Variants in MYCBP2 observed in about 807,000 individuals in gnomAD.
The protein encoded by MYCBP2 is E3 ubiquitin-protein ligase MYCBP2.
MYCBP2 carries 120 observed loss-of-function variants against 525.3 expected under a neutral mutation model. The ratio of observed to expected loss-of-function variants is 0.23; its 90% CI spans 0.20 to 0.27. The LOEUF (loss-of-function observed/expected upper bound fraction) is 0.27. Among genes scored for constraint, MYCBP2 ranks in the 10% least tolerant of loss-of-function variants. MYCBP2 has a pLI of 1.00. For synonymous variants in MYCBP2, 1,894 were observed against 1,955.8 expected (o/e 0.97, Z 0.83); for missense variants, 4,149 against 5,657.1 (o/e 0.73, Z 8.55).
At position 77,320,734 on chromosome 13, in the gene MYCBP2, G is replaced by C. The variant is rs115189680; in HGVS notation, c.302+5740C>G. The stretch of plus-strand genomic sequence containing the variant: ...GAGACAACCTCACAACCTCTGGATG[G>C]GATGCAACATGCAGTACCCAGCGCC... On this transcript the variant is annotated intron_variant, in intron 1 of 82. Coordinates refer to ENST00000544440, the MANE Select transcript of MYCBP2 (RefSeq NM_015057.5). 8.7e-3 allele frequency among the ~76,000 whole-genome samples: 1,327 copies of C among 152,056 alleles called. 21 individuals carry two copies. Among genetic ancestry groups the C allele is most frequent in the African/African-American group, 0.03 (1,233 of 41,428 alleles).
At chr13:77,162,472 AAAGT>A (rs1485302471) in intron 43 of MYCBP2, among the ~76,000 whole-genome samples, 1 of 152,228 alleles carries the variant, frequency 6.6e-6, no homozygotes, top group Non-Finnish European at 1.5e-5. Flanking sequence ...TGTTACTAAT[AAAGT>A]AATACTTGTT....
At chr13:77,295,046 A>G (rs1377051554) in intron 2 of MYCBP2, among the ~76,000 whole-genome samples, 4 of 152,352 alleles carry the variant, frequency 2.6e-5, no homozygotes, top group East Asian at 1.9e-4. Flanking sequence ...AGTTGGAGCT[A>G]CTGGCAGCCT....
At chr13:77,196,446 C>T (rs193082767) in intron 26 of MYCBP2, among the ~76,000 whole-genome samples, 25 of 152,124 alleles carry the variant, frequency 1.6e-4, no homozygotes, top group Non-Finnish European at 3.2e-4. Flanking sequence ...TGAGGACAGA[C>T]GTAGAACACA....
At chr13:77,191,171 T>C (rs899752152) in intron 28 of MYCBP2, among the ~76,000 whole-genome samples, 10 of 152,180 alleles carry the variant, frequency 6.6e-5, no homozygotes, top group African/African-American at 1.9e-4. Context: ...CACAAAGCTA[T>C]TGAGGGCATC....
chr13:77,121,417 C>A lies in MYCBP2; in HGVS notation c.8096G>T (p.Ser2699Ile), dbSNP rs1255610761. 1 of 1,598,734 alleles carries A rather than the reference C, an allele frequency of 6.3e-7. No homozygotes were observed. The highest frequency in any genetic ancestry group is 2.2e-5 in the East Asian group (1 of 44,670). ...FSVQAFNKGASCSAQGFDYGL... is the reference protein window; with the variant it reads ...FSVQAFNKGAICSAQGFDYGL... The stretch of plus-strand genomic sequence containing the variant: ...ATAATCAAATCCTTGGGCACTGCAA[C>A]TTGCCCCTTTATTAAAAGCTTGCAC... Residue 2699 changes from serine (S) to isoleucine (I), a missense_variant, in exon 55 of 83, where the codon AGT becomes ATT. Ser to Ile is a moderately radical substitution (Grantham distance 142, BLOSUM62 -2). Coordinates refer to ENST00000544440, the MANE Select transcript of MYCBP2 (RefSeq NM_015057.5).
chr13:77,320,764 A>G (rs2081497675), intron 1 of MYCBP2, among the ~76,000 whole-genome samples: 1 of 152,188 alleles, frequency 6.6e-6, no homozygotes, highest in African/African-American at 2.4e-5. Flanking sequence ...AGCGCCATAT[A>G]CAATATTCTT....
At chr13:77,056,563 C>G (rs1356132339) in intron 79 of MYCBP2, among the ~76,000 whole-genome samples, 2 of 152,158 alleles carry the variant, frequency 1.3e-5, no homozygotes, top group Non-Finnish European at 1.5e-5. Flanking sequence ...TTTAACTAAG[C>G]TCTAAAAGAA....
intron 80 of MYCBP2, 148 bp downstream of exon 80, chr13:77,055,410 G>C: frequency 1.4e-6 from 1 of 712,868 alleles, no homozygotes; most frequent in Non-Finnish European, 2.3e-6. Context: ...AAGTTTTACT[G>C]GAAACATTGG....
At chr13:77,059,495 G>C (rs373386928) in intron 77 of MYCBP2, 28 bp downstream of exon 77, 20 of 1,504,464 alleles carry the variant, frequency 1.3e-5, no homozygotes, top group Non-Finnish European at 3.7e-6. Context: ...CATGGACAAT[G>C]GGATGGCCTG....
chr13:77,199,596 GACAA>G (rs1407430318), intron 26 of MYCBP2, among the ~76,000 whole-genome samples: 1 of 152,236 alleles, frequency 6.6e-6, no homozygotes, highest in African/African-American at 2.4e-5. Flanking sequence ...GCAGGGCACA[GACAA>G]ACAAAAAGAC....
chr13:77,236,720 G>C (rs2067981497), intron 17 of MYCBP2, among the ~76,000 whole-genome samples: 1 of 152,018 alleles, frequency 6.6e-6, no homozygotes, highest in South Asian at 2.1e-4. Context: ...GTTCACCACT[G>C]TTTTCCAAGA....
intron 79 of MYCBP2, 22 bp downstream of exon 79, chr13:77,056,964 T>C (rs1411119171): frequency 1.3e-6 from 2 of 1,515,442 alleles, no homozygotes; most frequent in Admixed American, 3.4e-5. Flanking sequence ...AGAAAGTACA[T>C]GATTTCAGAT....
chr13:77,270,560 T>A lies in MYCBP2; in HGVS notation c.946-22A>T, dbSNP rs1419775086. 5 of 1,569,700 alleles carry A rather than the reference T, an allele frequency of 3.2e-6. No homozygotes were observed. In the Admixed American group the frequency reaches 5.9e-5, roughly 18 times the overall value. ...GCACCTAATCAAAAGAGAAGAAAAA[T>A]AATGAAAAAACATTTTTAAATGTTA... On this transcript the variant is annotated intron_variant, in intron 5 of 82. Coordinates refer to ENST00000544440, the MANE Select transcript of MYCBP2 (RefSeq NM_015057.5).
At chr13:77,128,791 T>C (rs2052179529) in intron 52 of MYCBP2, among the ~76,000 whole-genome samples, 1 of 151,784 alleles carries the variant, frequency 6.6e-6, no homozygotes. Context: ...CCCATCCCAT[T>C]CTCAGATGAA....
chr13:77,087,857 T>C (rs2044621679), intron 61 of MYCBP2: 2 of 356,678 alleles, frequency 5.6e-6, no homozygotes, highest in East Asian at 9.5e-5. Flanking sequence ...CATGGCTCAC[T>C]GCAGCCTCAA....
chr13:77,210,910 A>G (rs2063923566), intron 23 of MYCBP2, among the ~76,000 whole-genome samples: 2 of 152,186 alleles, frequency 1.3e-5, no homozygotes, highest in South Asian at 4.1e-4. Flanking sequence ...ACACAGTCAA[A>G]GTAACTTCTC....
At chr13:77,158,758 T>C (rs1457364065) in intron 44 of MYCBP2, among the ~76,000 whole-genome samples, 2 of 152,174 alleles carry the variant, frequency 1.3e-5, no homozygotes, top group Non-Finnish European at 2.9e-5. Flanking sequence ...TCCCTCTTTT[T>C]CAGTCCCCCT....
intron 82 of MYCBP2, among the ~76,000 whole-genome samples, chr13:77,045,775 T>C (rs543953992): frequency 6.6e-6 from 1 of 152,310 alleles, no homozygotes; most frequent in African/African-American, 2.4e-5. Flanking sequence ...TTTCTATTAA[T>C]AAATGCATCA....
At chr13:77,296,495 C>T (rs1306280856) in intron 2 of MYCBP2, 104 bp downstream of exon 2, 9 of 1,259,346 alleles carry the variant, frequency 7.1e-6, no homozygotes, top group Non-Finnish European at 9.5e-6. Context: ...ATTACTTCAG[C>T]ACATACTAAT....
Sources: gnomAD v4.1 joint callset for allele counts (sites outside exome capture counted in the v4.1 genomes callset) on GRCh38, gnomAD v4.1.1 for gene constraint, MANE v1.5 for transcripts, NCBI Gene and HGNC (gene_info 2026-07-23, HGNC 2026-07-21) for gene names.